Variants in RAPGEF6 observed in about 807,000 individuals in gnomAD.
The protein encoded by RAPGEF6 is Rap guanine nucleotide exchange factor 6, also known as PDZ domain containing guanine nucleotide exchange factor (GEF) 2.
Under a neutral mutation model 171.4 loss-of-function variants are expected in RAPGEF6, and 56 were observed. The observed-to-expected ratio is 0.33, with a 90% CI of 0.26 to 0.41. The LOEUF (loss-of-function observed/expected upper bound fraction) is 0.41, where lower values mean the gene tolerates loss of function less well. Ranked by LOEUF, RAPGEF6 falls within the 10% of genes least tolerant of loss-of-function variation. The pLI, the probability that RAPGEF6 is intolerant of heterozygous loss-of-function variation, is 1.00. For missense variants in RAPGEF6, 1,674 were observed against 1,921.4 expected, an observed-to-expected ratio of 0.87 and a Z score of 2.41; for synonymous variants, 692 against 650.1, an observed-to-expected ratio of 1.06 and a Z score of -0.98.
intron 6 of RAPGEF6, among the ~76,000 whole-genome samples, chr5:131,543,516 C>A (rs1460024165): frequency 6.6e-6 from 1 of 152,044 alleles, no homozygotes; most frequent in Non-Finnish European, 1.5e-5. Flanking sequence ...AGCACAAATT[C>A]TGAAACATGT....
intron 5 of RAPGEF6, among the ~76,000 whole-genome samples, chr5:131,555,253 G>A (rs1477220360): frequency 6.6e-6 from 1 of 152,144 alleles, no homozygotes; most frequent in Non-Finnish European, 1.5e-5. Flanking sequence ...TATCCTTTTA[G>A]AGGGGAAATG....
intron 15 of RAPGEF6, among the ~76,000 whole-genome samples, chr5:131,481,293 A>G (rs750923541): frequency 6.6e-6 from 1 of 151,596 alleles, no homozygotes; most frequent in Non-Finnish European, 1.5e-5. Context: ...TGGTGTGATC[A>G]GGGCTCACTG....
chr5:131,630,288 G>T (rs1766219494), intron 1 of RAPGEF6, among the ~76,000 whole-genome samples: 1 of 152,120 alleles, frequency 6.6e-6, no homozygotes, highest in East Asian at 1.9e-4. Flanking sequence ...TAGCAATAAA[G>T]TATTTTTAAA....
chr5:131,549,571 C>T (rs112538054), intron 5 of RAPGEF6, among the ~76,000 whole-genome samples: 2 of 151,786 alleles, frequency 1.3e-5, no homozygotes, highest in African/African-American at 2.4e-5. Flanking sequence ...GGTGAGGGGG[C>T]GCAGTGGCGA....
intron 4 of RAPGEF6, among the ~76,000 whole-genome samples, chr5:131,579,282 C>A (rs768047595): frequency 6.6e-6 from 1 of 152,070 alleles, no homozygotes; most frequent in Non-Finnish European, 1.5e-5. Flanking sequence ...CAGTATGGAC[C>A]CAAAGAGTGA....
intron 1 of RAPGEF6, among the ~76,000 whole-genome samples, chr5:131,632,925 T>A (rs891153741): frequency 6.6e-6 from 1 of 152,238 alleles, no homozygotes; most frequent in Non-Finnish European, 1.5e-5. Context: ...GGCAGCTGTT[T>A]AGCATTCCCT....
At chr5:131,546,859 T>G (rs1760578408) in intron 6 of RAPGEF6, among the ~76,000 whole-genome samples, 1 of 152,182 alleles carries the variant, frequency 6.6e-6, no homozygotes, top group South Asian at 2.1e-4. Flanking sequence ...AAAAGCTTTA[T>G]CCAAGAATTG....
At chr5:131,585,294 A>G (rs1314208368) in intron 4 of RAPGEF6, among the ~76,000 whole-genome samples, 2 of 131,962 alleles carry the variant, frequency 1.5e-5, no homozygotes, top group African/African-American at 6.9e-5. Context: ...AAAACTATAC[A>G]TACATACATA....
At chr5:131,519,537 G>T (rs1294378750) in intron 7 of RAPGEF6, among the ~76,000 whole-genome samples, 4 of 152,138 alleles carry the variant, frequency 2.6e-5, no homozygotes, top group Non-Finnish European at 5.9e-5. Flanking sequence ...AAGTAGCTGA[G>T]ATTACAGATG....
At chr5:131,547,889 C>T (rs781663691) in intron 6 of RAPGEF6, among the ~76,000 whole-genome samples, 158 bp downstream of exon 6, 11 of 152,056 alleles carry the variant, frequency 7.2e-5, no homozygotes, top group Admixed American at 2.6e-4. Flanking sequence ...CTAACCAATT[C>T]AACCAAACAG....
At chr5:131,585,827 C>CA (rs1763226966) in intron 4 of RAPGEF6, among the ~76,000 whole-genome samples, 1 of 151,986 alleles carries the variant, frequency 6.6e-6, no homozygotes, top group South Asian at 2.1e-4. Flanking sequence ...ACTCCGTCCC[C>CA]AAAAAACAAA....
At chr5:131,452,523 A>C (rs1322419576) in intron 21 of RAPGEF6, among the ~76,000 whole-genome samples, 2 of 152,194 alleles carry the variant, frequency 1.3e-5, no homozygotes, top group Admixed American at 1.3e-4. Flanking sequence ...CAGAACATTA[A>C]AAATATTCAG....
chr5:131,616,915 C>G (rs1463293035), intron 1 of RAPGEF6, among the ~76,000 whole-genome samples: 1 of 152,148 alleles, frequency 6.6e-6, no homozygotes, highest in Non-Finnish European at 1.5e-5. Flanking sequence ...GCACACAAAA[C>G]TTTCAATAAA....
At chr5:131,498,367 G>A in intron 12 of RAPGEF6, 76 bp downstream of exon 12, 1 of 1,298,448 alleles carries the variant, frequency 7.7e-7, no homozygotes, top group Non-Finnish European at 1.1e-6. Context: ...TAATAAACAG[G>A]TAATCTATCA....
intron 7 of RAPGEF6, among the ~76,000 whole-genome samples, chr5:131,518,546 C>T (rs1432283429): frequency 6.6e-6 from 1 of 151,828 alleles, no homozygotes; most frequent in Admixed American, 6.6e-5. Context: ...TACAGGCATG[C>T]TCCATCACCC....
At chr5:131,552,551 C>T (rs570138525) in intron 5 of RAPGEF6, among the ~76,000 whole-genome samples, 1 of 151,888 alleles carries the variant, frequency 6.6e-6, no homozygotes, top group East Asian at 1.9e-4. Context: ...ACCTTCACCT[C>T]CCAGGTTCAA....
At chr5:131,510,869 A>G (rs190155447) in intron 7 of RAPGEF6, among the ~76,000 whole-genome samples, 11 of 152,336 alleles carry the variant, frequency 7.2e-5, no homozygotes, top group Middle Eastern at 3.4e-3. Flanking sequence ...CCTTATGAGT[A>G]CCTATTAGTC....
At chr5:131,456,251 TAC>T (rs1753488818) in intron 19 of RAPGEF6, among the ~76,000 whole-genome samples, 2 of 152,252 alleles carry the variant, frequency 1.3e-5, no homozygotes. Context: ...GCATTTATTT[TAC>T]AGTTTCATTT....
Position 131,505,425 on chromosome 5 carries a change from G to T in RAPGEF6, c.1040C>A (p.Thr347Asn). 1 of 1,613,516 alleles carries T rather than the reference G, an allele frequency of 6.2e-7. No homozygotes were observed. The highest frequency in any genetic ancestry group is 1.1e-5 in the South Asian group (1 of 91,070). The change falls in exon 10 of 28, where the codon ACT becomes AAT. Residue 347 changes from threonine to asparagine, a missense_variant. By Grantham distance (65) the Thr-to-Asn change is moderately conservative. Coordinates refer to ENST00000509018, the MANE Select transcript of RAPGEF6 (RefSeq NM_016340.6). ...CATGTACTGCTTATCCAGAGTGGGA[G>T]TAATTCCAAAACTATTTCCCATAAA... Reference protein sequence around the residue: ...NLFMGNSFGITPTLDKQYMHG... With the variant: ...NLFMGNSFGINPTLDKQYMHG...
Sources: gnomAD v4.1 joint callset for allele counts (sites outside exome capture counted in the v4.1 genomes callset) on GRCh38, gnomAD v4.1.1 for gene constraint, MANE v1.5 for transcripts, NCBI Gene and HGNC (gene_info 2026-07-23, HGNC 2026-07-21) for gene names.